Variants in ANXA7 observed in about 807,000 individuals in gnomAD.
ANXA7 encodes the protein annexin VII.
A neutral mutation model predicts 64.9 loss-of-function variants in ANXA7; 55 were observed. The observed-to-expected ratio is 0.85, with a 90% confidence interval of 0.68 to 1.06. ANXA7 has a LOEUF of 1.06. ANXA7 is among the 50% of genes least tolerant of loss of function. The pLI is 0.00. For synonymous variants in ANXA7, 200 were observed against 192.4 expected, an observed-to-expected ratio of 1.04 and a Z score of -0.33; for missense variants, 548 against 582.1, an observed-to-expected ratio of 0.94 and a Z score of 0.60.
chr10:73,379,774 A>G, intron 11 of ANXA7, 105 bp downstream of exon 11: 2 of 1,121,020 alleles, frequency 1.8e-6, no homozygotes, highest in Non-Finnish European at 2.7e-6. Context: ...GCTACTGCCT[A>G]AGCAGATTCC....
intron 1 of ANXA7, among the ~76,000 whole-genome samples, chr10:73,404,542 T>C (rs909846873): frequency 2.0e-5 from 3 of 152,134 alleles, no homozygotes; most frequent in Non-Finnish European, 4.4e-5. Flanking sequence ...GCAGGAATAT[T>C]CTATATAATA....
chr10:73,398,082 G>C lies in ANXA7; in HGVS notation c.259+99C>G. 3 of 1,231,390 alleles carry C rather than the reference G, an allele frequency of 2.4e-6. No individual in the cohort carries two copies. In the Admixed American group the frequency reaches 7.9e-5, roughly 32 times the overall value. 76.3% of individuals were successfully genotyped at this position (1,231,390 alleles called of 1,614,324 possible). ...ACCTAAGGTTACCTAAGAGCGACTT[G>C]ACCTTATACAAAACAAGCAGGAATG... On this transcript the variant is annotated intron_variant, in intron 3 of 12. Coordinates refer to ENST00000372921, the MANE Select transcript of ANXA7 (RefSeq NM_001156.5).
intron 5 of ANXA7, among the ~76,000 whole-genome samples, chr10:73,389,269 C>T (rs1187778401): frequency 6.6e-6 from 1 of 152,160 alleles, no homozygotes; most frequent in Non-Finnish European, 1.5e-5. Context: ...TCTTCAAAAG[C>T]ATCAAGGGCA....
At chr10:73,379,740 A>C (rs1233841481) in intron 11 of ANXA7, 139 bp downstream of exon 11, 4 of 850,582 alleles carry the variant, frequency 4.7e-6, no homozygotes, top group Non-Finnish European at 5.7e-6. Context: ...AACAACAAAA[A>C]ACAAACCCCA....
chr10:73,397,232 C>T lies in ANXA7; in HGVS notation c.302G>A (p.Gly101Asp). The change falls in exon 4 of 13, where the codon GGC becomes GAC. Residue 101 changes from glycine to aspartate, a missense_variant. Coordinates refer to ENST00000372921, the MANE Select transcript of ANXA7 (RefSeq NM_001156.5). ...QGFGVPPGGAGFSGYPQPPSQ... is the reference protein window; with the variant it reads ...QGFGVPPGGADFSGYPQPPSQ... ...AGGTGGCTGTGGATACCCAGAAAAG[C>T]CTGCTCCACCTGGTGGGACTCCAAA... The T allele has an allele frequency of 6.2e-7, 1 of 1,612,582 alleles. No homozygotes were observed. The highest frequency in any genetic ancestry group is 8.5e-7 in the Non-Finnish European group (1 of 1,179,132).
rs55844845 is a variant in ANXA7 at position 73,412,713 on chromosome 10, T to C, written c.-2+1299A>G. Among the ~76,000 whole-genome samples, 1,259 of 151,060 alleles carry C rather than the reference T, an allele frequency of 8.3e-3. 9 individuals carry two copies. Among genetic ancestry groups the C allele is most frequent in the Non-Finnish European group, 0.012 (839 of 67,786 alleles). ...TTTCACCGTGTTGGTCAAGCTGGTC[T>C]CAAACTCCTCCTGACCTCGTGAATC... is the stretch of plus-strand genomic sequence containing the variant. On this transcript the variant is annotated intron_variant, in intron 1 of 12. Transcript: ENST00000372921.
chr10:73,405,633 T>G (rs544032621), intron 1 of ANXA7, among the ~76,000 whole-genome samples: 1 of 152,228 alleles, frequency 6.6e-6, no homozygotes, highest in Non-Finnish European at 1.5e-5. Context: ...TTTTTTGGCA[T>G]CTACAAGAAA....
chr10:73,383,207 G>A lies in ANXA7; in HGVS notation c.886C>T (p.His296Tyr). 1 of 1,613,946 alleles carries A rather than the reference G, an allele frequency of 6.2e-7. No homozygotes were observed. Among genetic ancestry groups the A allele is most frequent in the Non-Finnish European group, 8.5e-7 (1 of 1,179,932 alleles). ...EKDIRSDTSG[H>Y]FERLLVSMCQ... ...ATGGACACAAGTAAACGTTCAAAATGTCCTGATGTATCTGACCTAATGTCC... is the reference window on the plus strand; with the variant it reads ...ATGGACACAAGTAAACGTTCAAAATATCCTGATGTATCTGACCTAATGTCC... Residue 296 changes from histidine (H) to tyrosine (Y), a missense_variant, in exon 9 of 13, where the codon CAT (histidine) becomes TAT (tyrosine). Coordinates refer to ENST00000372921, the MANE Select transcript of ANXA7 (RefSeq NM_001156.5).
chr10:73,380,454 G>C (rs1318330650), intron 9 of ANXA7, among the ~76,000 whole-genome samples: 3 of 151,956 alleles, frequency 2.0e-5, no homozygotes, highest in Admixed American at 6.6e-5. Context: ...ATTTTTTGTA[G>C]AGACAGCATG....
chr10:73,397,179 G>A lies in ANXA7; in HGVS notation c.355C>T (p.Gln119Ter), dbSNP rs750248208. 3 of 1,607,324 alleles carry A rather than the reference G, an allele frequency of 1.9e-6. No homozygotes were observed. The Admixed American group carries it at 5.0e-5, about 27-fold the overall frequency. The change falls in exon 4 of 13, where the codon CAG (glutamine) becomes TAG (stop). Residue 119 changes from glutamine to a stop codon, truncating the protein, a stop_gained. Coordinates refer to ENST00000372921, the MANE Select transcript of ANXA7 (RefSeq NM_001156.5). LOFTEE classifies it high-confidence loss of function. ...TGGTACCTACCAGGTAGTGGAACCT[G>A]TGCTGGACCACCTCCATAAGACTGT... ...PSQSYGGGPAQVPLPGGFPGG... is the reference protein window; with the variant it reads ...PSQSYGGGPA
Position 73,381,857 on chromosome 10 carries a change from C to T in ANXA7, c.918+1318G>A, listed in dbSNP as rs191229973. Among the ~76,000 whole-genome samples the T allele has an allele frequency of 4.8e-3, 725 of 151,470 alleles. 1 individual carries two copies. Among genetic ancestry groups the T allele is most frequent in the Non-Finnish European group, 8.4e-3 (568 of 67,914 alleles). On this transcript the variant is annotated intron_variant, in intron 9 of 12. Coordinates refer to ENST00000372921, the MANE Select transcript of ANXA7 (RefSeq NM_001156.5). ...TTACTTTGCTTTCTCATTTCCATATCCACTATCCTTTCCACAGCTACCTCC... is the reference window on the plus strand; with the variant it reads ...TTACTTTGCTTTCTCATTTCCATATTCACTATCCTTTCCACAGCTACCTCC...
intron 7 of ANXA7, 67 bp downstream of exon 7, chr10:73,387,622 C>T (rs2055396409): frequency 1.6e-6 from 2 of 1,229,240 alleles, no homozygotes; most frequent in Non-Finnish European, 2.4e-6. Flanking sequence ...AATATAGTAT[C>T]CAATCTGACA....
At chr10:73,397,132 A>G in intron 4 of ANXA7, 32 bp downstream of exon 4, 1 of 1,257,294 alleles carries the variant, frequency 8.0e-7, no homozygotes, top group Non-Finnish European at 1.1e-6. Context: ...AAATATCATG[A>G]TACTGTTTTT....
At chr10:73,383,086 A>G in intron 9 of ANXA7, 89 bp downstream of exon 9, 2 of 1,244,682 alleles carry the variant, frequency 1.6e-6, no homozygotes, top group Non-Finnish European at 2.2e-6. Flanking sequence ...AGGTGGCTAA[A>G]TATTAAAAGG....
intron 12 of ANXA7, among the ~76,000 whole-genome samples, chr10:73,377,773 G>GTGTGTGTGTGTGTGTGT (rs2055200570): frequency 2.4e-5 from 3 of 124,848 alleles, no homozygotes; most frequent in African/African-American, 9.6e-5. Flanking sequence ...GGTGGGTGTG[G>GTGTGTGTGTGTGTGTGT]GTGTGTGTGT....
At chr10:73,396,209 A>C in intron 5 of ANXA7, 6 of 788,594 alleles carry the variant, frequency 7.6e-6, no homozygotes, top group Non-Finnish European at 1.3e-5. Flanking sequence ...ACCCAAATTC[A>C]TAGGTGTAAC....
rs980648006 is a variant in ANXA7 at position 73,382,525 on chromosome 10, T to C, written c.918+650A>G. Among the ~76,000 whole-genome samples the C allele has an allele frequency of 3.9e-5, 6 of 152,136 alleles. No homozygotes were observed. The South Asian group carries it at 1.0e-3, about 26-fold the overall frequency. On this transcript the variant is annotated intron_variant, in intron 9 of 12. Coordinates refer to ENST00000372921, the MANE Select transcript of ANXA7 (RefSeq NM_001156.5). ...TTCGGCTAATTTTTAAAAATATTTT[T>C]TATAGAGATGGTTTCTTGCTATGGT... is the stretch of plus-strand genomic sequence containing the variant.
intron 9 of ANXA7, among the ~76,000 whole-genome samples, chr10:73,381,857 C>CCACTCACTGTTACA (rs112154981): frequency 0.47 from 70,892 of 151,376 alleles, 22,048 homozygotes; most frequent in East Asian, 0.98. Context: ...ATTTCCATAT[C>CCACTCACTGTTACA]CACTATCCTT....
chr10:73,407,403 C>G (rs1159961534), intron 1 of ANXA7, among the ~76,000 whole-genome samples: 1 of 152,124 alleles, frequency 6.6e-6, no homozygotes, highest in African/African-American at 2.4e-5. Flanking sequence ...ATATGAATCC[C>G]TAGGGATCGT....
Sources: gnomAD v4.1 joint callset for allele counts (sites outside exome capture counted in the v4.1 genomes callset) on GRCh38, gnomAD v4.1.1 for gene constraint, MANE v1.5 for transcripts, NCBI Gene and HGNC (gene_info 2026-07-23, HGNC 2026-07-21) for gene names.